COL4A5: variants seen among roughly 807,000 people sequenced by gnomAD.
COL4A5 encodes collagen alpha-5(IV) chain.
COL4A5 carries 26 observed loss-of-function variants against 130.2 expected under a neutral mutation model. That is an observed-to-expected ratio of 0.20 (90% CI 0.15 to 0.28). COL4A5 has a LOEUF of 0.28. Ranked by LOEUF, COL4A5 falls within the 10% of genes least tolerant of loss-of-function variation. The probability of loss-of-function intolerance (pLI) is 1.00; values close to 1 mark genes in which losing one functional copy is unlikely to be tolerated. For missense variants in COL4A5, 1,131 were observed against 1,344.3 expected, an observed-to-expected ratio of 0.84 and a Z score of 2.48; for synonymous variants, 496 against 439.6, an observed-to-expected ratio of 1.13 and a Z score of -1.60.
At chrX:108,524,729 C>A (rs566003986) in intron 1 of COL4A5, among the ~76,000 whole-genome samples, 1 of 110,670 alleles carries the variant, frequency 9.0e-6, no homozygotes, top group African/African-American at 3.3e-5. Context: ...TCTAATAAAC[C>A]TTGTCATTTG....
At chrX:108,563,959 G>A in intron 4 of COL4A5, 33 bp downstream of exon 4, 1 of 1,112,392 alleles carries the variant, frequency 9.0e-7, no homozygotes, top group Non-Finnish European at 1.2e-6. Flanking sequence ...CAAATACTTT[G>A]TTGGTGGAAA....
At chrX:108,606,468 G>T (rs997575485) in intron 28 of COL4A5, among the ~76,000 whole-genome samples, 16 of 110,020 alleles carry the variant, frequency 1.5e-4, no homozygotes, top group Admixed American at 6.7e-4. Flanking sequence ...CCCTACAAGG[G>T]TAGTCTGTTC....
chrX:108,499,659 G>A (rs2065062506), intron 1 of COL4A5, among the ~76,000 whole-genome samples: 1 of 110,756 alleles, frequency 9.0e-6, no homozygotes, highest in Admixed American at 9.6e-5. Flanking sequence ...TTTATCATGG[G>A]CACTTTTCTA....
At chrX:108,475,220 T>A (rs1035292504) in intron 1 of COL4A5, among the ~76,000 whole-genome samples, 7 of 111,737 alleles carry the variant, frequency 6.3e-5, no homozygotes, top group African/African-American at 2.3e-4. Context: ...TATTTAGTTT[T>A]TTAGGCCTTT....
chrX:108,526,164 C>T (rs2065309306), intron 1 of COL4A5, among the ~76,000 whole-genome samples: 1 of 111,262 alleles, frequency 9.0e-6, no homozygotes, highest in Non-Finnish European at 1.9e-5. Flanking sequence ...GAGAAGGAGC[C>T]CTGGTTTATG....
At chrX:108,665,042 A>G (rs894518502) in intron 37 of COL4A5, among the ~76,000 whole-genome samples, 1 of 112,415 alleles carries the variant, frequency 8.9e-6, no homozygotes, top group African/African-American at 3.2e-5. Flanking sequence ...ACTTCTTGTT[A>G]TATACCTAAG....
intron 1 of COL4A5, among the ~76,000 whole-genome samples, chrX:108,476,225 TA>T (rs1218103693): frequency 2.7e-5 from 3 of 111,922 alleles, no homozygotes; most frequent in Admixed American, 9.5e-5. Context: ...TCTATGAATA[TA>T]AAAAATACCT....
At chrX:108,548,655 G>A (rs1021680434) in intron 2 of COL4A5, among the ~76,000 whole-genome samples, 7 of 110,711 alleles carry the variant, frequency 6.3e-5, no homozygotes, top group Non-Finnish European at 9.5e-5. Flanking sequence ...AAGTAAAAAC[G>A]AAGAAAACTA....
intron 46 of COL4A5, among the ~76,000 whole-genome samples, chrX:108,681,540 A>G (rs191636422): frequency 2.8e-3 from 318 of 111,621 alleles, no homozygotes; most frequent in African/African-American, 9.6e-3. Flanking sequence ...GAAAATAGAG[A>G]TGATATGCTT....
chrX:108,483,841 G>A (rs2064917439), intron 1 of COL4A5, among the ~76,000 whole-genome samples: 3 of 112,070 alleles, frequency 2.7e-5, no homozygotes, highest in African/African-American at 6.5e-5. Context: ...ATTATTGTAG[G>A]TTTCATTTGC....
chrX:108,622,923 A>G, intron 33 of COL4A5, 98 bp downstream of exon 33: 1 of 830,561 alleles, frequency 1.2e-6, no homozygotes. Context: ...GAATTCACCA[A>G]CAAAGGCACT....
At chrX:108,694,044 TA>T (rs2068684442) in intron 50 of COL4A5, 1 of 57,756 alleles carries the variant, frequency 1.7e-5, no homozygotes, top group African/African-American at 1.2e-4. Flanking sequence ...AATTTGGGTG[TA>T]TGTGTGTGTG....
intron 42 of COL4A5, among the ~76,000 whole-genome samples, chrX:108,674,115 T>C (rs1360625741): frequency 2.7e-5 from 3 of 110,837 alleles, no homozygotes; most frequent in Non-Finnish European, 5.7e-5. Context: ...AAAATCAGAA[T>C]GTGGCTTCAT....
intron 1 of COL4A5, among the ~76,000 whole-genome samples, chrX:108,451,342 T>G (rs1258685542): frequency 9.0e-6 from 1 of 110,974 alleles, no homozygotes; most frequent in Non-Finnish European, 1.9e-5. Context: ...TGATTTATAG[T>G]CCTTTGGGTA....
intron 2 of COL4A5, among the ~76,000 whole-genome samples, chrX:108,544,382 T>TTTGGTTCTG (rs1234428953): frequency 1.8e-5 from 2 of 112,395 alleles, no homozygotes; most frequent in Admixed American, 9.4e-5. Context: ...GGTTTTTGTC[T>TTTGGTTCTG]TTGGTTCTGT....
At chrX:108,600,803 C>G (rs2066614680) in intron 25 of COL4A5, among the ~76,000 whole-genome samples, 1 of 111,389 alleles carries the variant, frequency 9.0e-6, no homozygotes, top group African/African-American at 3.3e-5. Flanking sequence ...TGGCTCAGTC[C>G]TAGTCTGAAT....
At chrX:108,622,548 C>A (rs748511204) in intron 32 of COL4A5, 128 bp from the exon 33 acceptor site, 7 of 654,211 alleles carry the variant, frequency 1.1e-5, no homozygotes, top group Non-Finnish European at 1.2e-5. Context: ...TAGAGTACAT[C>A]CAAGGTGCAT....
chrX:108,682,910 T>A (rs927208771), intron 47 of COL4A5, among the ~76,000 whole-genome samples: 4 of 111,963 alleles, frequency 3.6e-5, no homozygotes, highest in Non-Finnish European at 7.5e-5. Context: ...TAGATCCCAT[T>A]TGTCAATTTT....
intron 36 of COL4A5, among the ~76,000 whole-genome samples, chrX:108,629,962 T>A (rs2067222968): frequency 1.8e-5 from 2 of 111,551 alleles, no homozygotes; most frequent in Admixed American, 1.9e-4. Context: ...TCCAGCTTCA[T>A]CCATGTCCCT....
Sources: allele counts gnomAD v4.1 joint callset (sites outside exome capture counted in the v4.1 genomes callset), GRCh38; gene constraint gnomAD v4.1.1; transcripts MANE v1.5; gene names NCBI Gene and HGNC (gene_info 2026-07-23, HGNC 2026-07-21).